Variants in TNFRSF11A observed in about 807,000 individuals in gnomAD.
The protein encoded by TNFRSF11A is TNF receptor superfamily member 11a.
In TNFRSF11A, 32 loss-of-function variants were observed where a neutral mutation model predicts 55.7. That is an observed-to-expected ratio of 0.57 (90% CI 0.43 to 0.77). TNFRSF11A has a LOEUF of 0.77. Among genes scored for constraint, TNFRSF11A ranks in the 30% least tolerant of loss-of-function variants. TNFRSF11A has a pLI of 0.00. For missense variants in TNFRSF11A, 753 were observed against 809.8 expected, an observed-to-expected ratio of 0.93 and a Z score of 0.85; for synonymous variants, 311 against 331.0, an observed-to-expected ratio of 0.94 and a Z score of 0.65.
rs894215246 is a variant in TNFRSF11A, at chr18:62,383,086, A to G, written c.1568-1665A>G. Among the ~76,000 whole-genome samples the G allele has an allele frequency of 1.3e-5, 2 of 152,138 alleles. No individual in the cohort carries two copies. The highest frequency in any genetic ancestry group is 2.9e-5 in the Non-Finnish European group (2 of 68,018). On this transcript the variant is annotated intron_variant, in intron 9 of 9. Coordinates refer to ENST00000586569, the MANE Select transcript of TNFRSF11A (RefSeq NM_003839.4). This position sits in a 1 kb window ranked among gnomAD's most constrained non-coding sequence, Gnocchi z 4.2. ...GTGGAGAAGGTGCTGGGTAGGTGGT[A>G]AACAGGAATGCCAACGGGCCTCCCT...
chr18:62,358,217 T>C, intron 4 of TNFRSF11A, 31 bp from the exon 5 acceptor site: 1 of 1,571,314 alleles, frequency 6.4e-7, no homozygotes, highest in East Asian at 2.2e-5. Context: ...GTTTGTTCTG[T>C]CTGGGTTGTT....
chr18:62,382,994 C>T (rs960744923), intron 9 of TNFRSF11A, among the ~76,000 whole-genome samples: 10 of 152,084 alleles, frequency 6.6e-5, no homozygotes, highest in African/African-American at 1.7e-4. Context: ...AGCAGAAGGG[C>T]GTAGATACAG....
intron 1 of TNFRSF11A, among the ~76,000 whole-genome samples, chr18:62,331,589 A>G (rs1461252691): frequency 1.3e-5 from 2 of 152,228 alleles, no homozygotes; most frequent in Non-Finnish European, 2.9e-5. Context: ...AGTTCAGCGT[A>G]GAGACAGAGC....
At chr18:62,337,058 C>G (rs1236251853) in intron 1 of TNFRSF11A, among the ~76,000 whole-genome samples, 2 of 152,166 alleles carry the variant, frequency 1.3e-5, no homozygotes. Context: ...AAGCAACTTT[C>G]AAGACGGTGT....
At position 62,387,415 on chromosome 18, in the gene TNFRSF11A, T is replaced by C. The variant is rs1911811830; in HGVS notation, c.*2381T>C. ...ATTATATTAAGCTTATGTTTCACCA[T>C]AAAATCCTTTTTATGGCTTACTAAA... On this transcript the variant is annotated 3_prime_UTR_variant, in exon 10 of 10. Coordinates refer to ENST00000586569, the MANE Select transcript of TNFRSF11A (RefSeq NM_003839.4). 1 of 152,220 alleles carries C rather than the reference T, an allele frequency of 6.6e-6. No homozygotes were observed. Among genetic ancestry groups the C allele is most frequent in the African/African-American group, 2.4e-5 (1 of 41,446 alleles). 9.4% of individuals were successfully genotyped at this position (152,220 alleles called of 1,614,324 possible).
chr18:62,349,434 G>A (rs1376358005), intron 2 of TNFRSF11A, among the ~76,000 whole-genome samples: 1 of 152,118 alleles, frequency 6.6e-6, no homozygotes, highest in East Asian at 1.9e-4. Flanking sequence ...GCCCGTCTCC[G>A]CCTCCCAAAC....
intron 4 of TNFRSF11A, among the ~76,000 whole-genome samples, chr18:62,356,897 T>C (rs948988645): frequency 2.0e-5 from 3 of 152,230 alleles, no homozygotes; most frequent in Non-Finnish European, 4.4e-5. Flanking sequence ...AAGAGTCATA[T>C]GGAAGTCAAG....
intron 1 of TNFRSF11A, among the ~76,000 whole-genome samples, chr18:62,332,877 TG>T (rs1600348088): frequency 6.6e-6 from 1 of 152,206 alleles, no homozygotes. Context: ...TGAGATCTGA[TG>T]GGGAAGGTCG....
chr18:62,372,164 C>G (rs966175246), intron 9 of TNFRSF11A, among the ~76,000 whole-genome samples: 4 of 152,118 alleles, frequency 2.6e-5, no homozygotes, highest in African/African-American at 4.8e-5. Context: ...GTTATAAGTC[C>G]TAAGAAGCAA....
At chr18:62,359,419 G>A (rs765286121) in intron 5 of TNFRSF11A, among the ~76,000 whole-genome samples, 1 of 151,588 alleles carries the variant, frequency 6.6e-6, no homozygotes, top group Non-Finnish European at 1.5e-5. Flanking sequence ...TCGCTCTGTT[G>A]CCCAGGCCAA....
At chr18:62,329,429 G>A (rs969300913) in intron 1 of TNFRSF11A, among the ~76,000 whole-genome samples, 6 of 152,218 alleles carry the variant, frequency 3.9e-5, no homozygotes, top group African/African-American at 1.4e-4. Flanking sequence ...GTAGGATTCT[G>A]CCCAGCAGGT....
chr18:62,373,634 T>G (rs1326668700), intron 9 of TNFRSF11A, among the ~76,000 whole-genome samples: 1 of 152,162 alleles, frequency 6.6e-6, no homozygotes, highest in Non-Finnish European at 1.5e-5. Context: ...CTCCTAGTTC[T>G]TTGGTCTGCT....
chr18:62,371,797 G>C (rs973843467), intron 9 of TNFRSF11A, among the ~76,000 whole-genome samples: 2 of 152,188 alleles, frequency 1.3e-5, no homozygotes, highest in East Asian at 3.9e-4. Flanking sequence ...TTTTTAAAAA[G>C]TCACAATTTA....
intron 1 of TNFRSF11A, among the ~76,000 whole-genome samples, chr18:62,328,421 G>GAA (rs375939630): frequency 1.3e-4 from 18 of 142,022 alleles, no homozygotes; most frequent in South Asian, 2.3e-4. Context: ...CAGAAAGAAA[G>GAA]AAAAAAAAAA....
At chr18:62,373,401 T>C (rs1053727835) in intron 9 of TNFRSF11A, among the ~76,000 whole-genome samples, 26 of 151,908 alleles carry the variant, frequency 1.7e-4, no homozygotes, top group African/African-American at 5.6e-4. Context: ...GGAGGTGATC[T>C]GAGATCTTGC....
At chr18:62,348,748 A>C (rs2046421315) in intron 2 of TNFRSF11A, among the ~76,000 whole-genome samples, 1 of 152,256 alleles carries the variant, frequency 6.6e-6, no homozygotes. Flanking sequence ...TTGTTCTGCC[A>C]GAAGTGTGGC....
intron 1 of TNFRSF11A, among the ~76,000 whole-genome samples, chr18:62,342,646 T>G (rs1324511786): frequency 6.6e-6 from 1 of 152,062 alleles, no homozygotes; most frequent in Non-Finnish European, 1.5e-5. Flanking sequence ...AGAGATAAAT[T>G]TAGCTGGAGA....
intron 7 of TNFRSF11A, among the ~76,000 whole-genome samples, chr18:62,366,444 G>A (rs943210762): frequency 6.6e-6 from 1 of 152,066 alleles, no homozygotes; most frequent in African/African-American, 2.4e-5. Context: ...GTACAGATGG[G>A]GACTGTAGTT....
At chr18:62,374,727 G>A (rs1359158081) in intron 9 of TNFRSF11A, among the ~76,000 whole-genome samples, 8 of 152,096 alleles carry the variant, frequency 5.3e-5, no homozygotes, top group East Asian at 1.9e-4. Context: ...CAGATTCCAC[G>A]GAGCCTGCTA....
Sources: allele counts gnomAD v4.1 joint callset (sites outside exome capture counted in the v4.1 genomes callset), GRCh38; gene constraint gnomAD v4.1.1; non-coding constraint Gnocchi (gnomAD v3.1); transcripts MANE v1.5; gene names NCBI Gene and HGNC (gene_info 2026-07-23, HGNC 2026-07-21).